The following DGKI variants were observed in gnomAD, a reference collection of about 807,000 sequenced individuals.
The protein encoded by DGKI is diacylglycerol kinase iota.
Under a neutral mutation model 147.5 loss-of-function variants are expected in DGKI, and 55 were observed. The ratio of observed to expected loss-of-function variants is 0.37; its 90% CI spans 0.30 to 0.47. The LOEUF is 0.47. Ranked by LOEUF, DGKI falls within the 20% of genes least tolerant of loss-of-function variation. The pLI is 1.00. For synonymous variants in DGKI, 469 were observed against 477.1 expected, an observed-to-expected ratio of 0.98 and a Z score of 0.22; for missense variants, 1,007 against 1,323.8, an observed-to-expected ratio of 0.76 and a Z score of 3.71.
At chr7:137,807,184 C>T (rs534272805) in intron 1 of DGKI, among the ~76,000 whole-genome samples, 32 of 152,298 alleles carry the variant, frequency 2.1e-4, no homozygotes, top group African/African-American at 7.2e-4. Context: ...ACTGAAAGAA[C>T]GCATAATGGT....
rs531305350 is a variant in DGKI at position 137,433,856 on chromosome 7, G to A, written c.2761+10221C>T. On this transcript the variant is annotated intron_variant, in intron 28 of 32. Coordinates refer to ENST00000614521, the MANE Select transcript of DGKI (RefSeq NM_001321708.2). The stretch of plus-strand genomic sequence containing the variant: ...CTAGGGGCCGGGCGTGGTGGCTCAC[G>A]CCTGTAATGCCAGAACTTTGGGAGG... Among the ~76,000 whole-genome samples the A allele has an allele frequency of 7.2e-5, 11 of 152,258 alleles. No homozygotes were observed. The South Asian group carries it at 2.3e-3, about 32-fold the overall frequency.
rs570271781 is a variant in DGKI at position 137,689,678 on chromosome 7, G to A, written c.510+216C>T. Among the ~76,000 whole-genome samples, 6 of 152,308 alleles carry A rather than the reference G, an allele frequency of 3.9e-5. No homozygotes were observed. The South Asian group carries it at 1.2e-3, about 32-fold the overall frequency. ...AGTAATACTTCAAATGATTCAGGAA[G>A]CTTTTATCTTAGTCTTGAACACATC... On this transcript the variant is annotated intron_variant, in intron 2 of 32. Coordinates refer to ENST00000614521, the MANE Select transcript of DGKI (RefSeq NM_001321708.2).
In DGKI at chr7:137,571,224, C is replaced by T. The variant is rs772476015; in HGVS notation, c.1898G>A (p.Arg633His). 1 of 1,613,226 alleles carries T rather than the reference C, an allele frequency of 6.2e-7. No homozygotes were observed. The highest frequency in any genetic ancestry group is 8.5e-7 in the Non-Finnish European group (1 of 1,179,916). Residue 633 changes from arginine to histidine, a missense_variant, in exon 19 of 33, where the codon CGT (arginine) becomes CAT (histidine). By Grantham distance (29) the Arg-to-His change is conservative. This residue lies in a region of DGKI where 224 missense variants were observed against 382.7 expected (regional missense o/e 0.59). Transcript: ENST00000614521. Reference sequence around the variant, plus strand: ...GACTTCAATATAACCATCATCATGACGCTGAGGTTCGAAATCATGGTGATC... The same window carrying T: ...GACTTCAATATAACCATCATCATGATGCTGAGGTTCGAAATCATGGTGATC... ...PGDHHDFEPQ[R>H]HDDGYIEVIG...
At chr7:137,772,927 G>A (rs1796251307) in intron 1 of DGKI, among the ~76,000 whole-genome samples, 1 of 152,250 alleles carries the variant, frequency 6.6e-6, no homozygotes, top group Non-Finnish European at 1.5e-5. Flanking sequence ...GACAATGGGG[G>A]TGGAGAGAGG....
At chr7:137,554,015 C>G (rs1486079368) in intron 19 of DGKI, among the ~76,000 whole-genome samples, 1 of 152,156 alleles carries the variant, frequency 6.6e-6, no homozygotes, top group Admixed American at 6.6e-5. Context: ...GTCTAGACCA[C>G]TTTTAAGCCA....
chr7:137,643,116 C>G (rs938734668), intron 6 of DGKI, among the ~76,000 whole-genome samples: 1 of 151,212 alleles, frequency 6.6e-6, no homozygotes, highest in Admixed American at 6.6e-5. Context: ...ACGGTGAAAC[C>G]CTGTTTCTAC....
At chr7:137,443,459 C>T (rs1355619786) in intron 28 of DGKI, among the ~76,000 whole-genome samples, 5 of 152,150 alleles carry the variant, frequency 3.3e-5, no homozygotes, top group Non-Finnish European at 5.9e-5. Context: ...CATAACTGAT[C>T]ATTGTAGACA....
Position 137,382,488 on chromosome 7 carries a change from C to G in DGKI, c.*8732G>C, listed in dbSNP as rs990497175. 1.3e-5 allele frequency: 2 copies of G among 152,058 alleles called. No homozygotes were observed. The highest frequency in any genetic ancestry group is 4.8e-5 in the African/African-American group (2 of 41,418). The allele number at this position is 152,058 out of a possible 1,614,324, so 9.4% of individuals were successfully genotyped here. A position where few individuals can be genotyped will look rare whatever the true frequency, so the allele number is the denominator to read the frequency against. On this transcript the variant is annotated 3_prime_UTR_variant, in exon 33 of 33. Transcript: ENST00000614521. Reference sequence around the variant, plus strand: ...GTTCTTCTATTAGCTGACCCTACTTCCCCCAAGTTCCACACACAATCTAAT... The same window carrying G: ...GTTCTTCTATTAGCTGACCCTACTTGCCCCAAGTTCCACACACAATCTAAT...
chr7:137,534,463 T>C (rs923433771), intron 20 of DGKI, among the ~76,000 whole-genome samples: 2 of 152,110 alleles, frequency 1.3e-5, no homozygotes, highest in Non-Finnish European at 2.9e-5. Context: ...AGATTGTTTT[T>C]ACTATAATCA....
chr7:137,793,737 TAC>T (rs1407119077), intron 1 of DGKI, among the ~76,000 whole-genome samples: 2 of 152,248 alleles, frequency 1.3e-5, no homozygotes, highest in African/African-American at 4.8e-5. Context: ...ATGTGATTCC[TAC>T]AATATGTTCT....
At chr7:137,775,823 A>G (rs1796346017) in intron 1 of DGKI, among the ~76,000 whole-genome samples, 1 of 152,222 alleles carries the variant, frequency 6.6e-6, no homozygotes, top group Non-Finnish European at 1.5e-5. Flanking sequence ...TAGATTTATT[A>G]TAGTCTCACA....
In DGKI at chr7:137,846,362, CAG is replaced by C. The variant is rs1393375790; in HGVS notation, c.401+98_401+99del. ...AAAGGGGGAAGGAGAGGCGTGGAAA[CAG>C]AGAGGTGCCCAACTCCGCGGAAGCG... On this transcript the variant is annotated intron_variant, in intron 1 of 32. Transcript: ENST00000614521. This position sits in a 1 kb window ranked among gnomAD's most constrained non-coding sequence, Gnocchi z 4.0. 31 of 723,164 alleles carry C rather than the reference CAG, an allele frequency of 4.3e-5. No individual in the cohort carries two copies. Among genetic ancestry groups the C allele is most frequent in the Non-Finnish European group, 6.2e-5 (29 of 470,540 alleles). 44.8% of individuals were successfully genotyped at this position (723,164 alleles called of 1,614,324 possible).
At chr7:137,689,714 T>C (rs1385137499) in intron 2 of DGKI, among the ~76,000 whole-genome samples, 180 bp downstream of exon 2, 2 of 152,312 alleles carry the variant, frequency 1.3e-5, no homozygotes, top group South Asian at 2.1e-4. Flanking sequence ...TGACTTCATA[T>C]AAAGGAGTGA....
chr7:137,440,791 A>G (rs1211236457), intron 28 of DGKI, among the ~76,000 whole-genome samples: 1 of 152,208 alleles, frequency 6.6e-6, no homozygotes, highest in East Asian at 1.9e-4. Context: ...AGTGACCCTG[A>G]TGCGCTATTA....
intron 23 of DGKI, among the ~76,000 whole-genome samples, chr7:137,474,982 C>T (rs1815119554): frequency 6.6e-6 from 1 of 152,140 alleles, no homozygotes; most frequent in South Asian, 2.1e-4. Flanking sequence ...ACATAAAATG[C>T]TTAACCCATT....
At chr7:137,641,543 C>A (rs569727335) in intron 6 of DGKI, among the ~76,000 whole-genome samples, 2 of 152,284 alleles carry the variant, frequency 1.3e-5, no homozygotes, top group South Asian at 4.1e-4. Flanking sequence ...TATAAAATTA[C>A]CTTCAGGCTT....
chr7:137,653,267 T>A (rs940790160), intron 5 of DGKI, among the ~76,000 whole-genome samples: 1 of 152,254 alleles, frequency 6.6e-6, no homozygotes, highest in Non-Finnish European at 1.5e-5. Context: ...ACCAACGTTA[T>A]TCTTAGTTCA....
At chr7:137,611,263 A>G (rs1820353878) in intron 8 of DGKI, among the ~76,000 whole-genome samples, 1 of 152,190 alleles carries the variant, frequency 6.6e-6, no homozygotes, top group Non-Finnish European at 1.5e-5. Context: ...AACAGTATGT[A>G]TTTGGTGTCA....
At chr7:137,614,384 CG>C (rs1234887014) in intron 8 of DGKI, among the ~76,000 whole-genome samples, 3 of 152,252 alleles carry the variant, frequency 2.0e-5, no homozygotes, top group East Asian at 3.9e-4. Flanking sequence ...AGAAAATTCA[CG>C]TAAGTCTCAA....
Sources: gnomAD v4.1 joint callset for allele counts (sites outside exome capture counted in the v4.1 genomes callset) on GRCh38, gnomAD v4.1.1 for gene constraint, gnomAD v4.1.1 regional missense constraint, Gnocchi (gnomAD v3.1) non-coding constraint, MANE v1.5 for transcripts, NCBI Gene and HGNC (gene_info 2026-07-23, HGNC 2026-07-21) for gene names.